Variants in KDELR3 observed in about 807,000 individuals in gnomAD.
KDELR3 encodes the protein ER lumen protein-retaining receptor 3.
A neutral mutation model predicts 22.7 loss-of-function variants in KDELR3; 26 were observed. That is an observed-to-expected ratio of 1.15 (90% CI 0.84 to 1.59). The LOEUF (loss-of-function observed/expected upper bound fraction) is 1.59. Among genes scored for constraint, KDELR3 ranks in the 40% most tolerant of loss-of-function variants. The probability of loss-of-function intolerance (pLI) is 0.00; values close to 1 mark genes in which losing one functional copy is unlikely to be tolerated. For synonymous variants in KDELR3, 120 were observed against 98.2 expected, an observed-to-expected ratio of 1.22 and a Z score of -1.31; for missense variants, 289 against 251.1, an observed-to-expected ratio of 1.15 and a Z score of -1.02.
intron 2 of KDELR3, among the ~76,000 whole-genome samples, chr22:38,475,767 G>C (rs1439451687): frequency 6.6e-6 from 1 of 152,164 alleles, no homozygotes; most frequent in Non-Finnish European, 1.5e-5. Context: ...CCAAGTAGCT[G>C]GGACTACAGG....
Position 38,481,465 on chromosome 22 carries a change from G to C in KDELR3, c.604+1G>C, listed in dbSNP as rs138454014. 90 of 1,614,008 alleles carry C rather than the reference G, an allele frequency of 5.6e-5. No individual in the cohort carries two copies. The highest frequency in any genetic ancestry group is 7.4e-5 in the Non-Finnish European group (87 of 1,180,026). ...TTCTTCTACTTGTATGTGACCAAAGGTAGGTCCTGGGATGACAGCAATGCT... is the reference window on the plus strand; with the variant it reads ...TTCTTCTACTTGTATGTGACCAAAGCTAGGTCCTGGGATGACAGCAATGCT... On this transcript the variant is annotated splice_donor_variant, in intron 4 of 4. Coordinates refer to ENST00000216014, the MANE Select transcript of KDELR3 (RefSeq NM_006855.4). LOFTEE classifies it high-confidence loss of function.
At position 38,468,332 on chromosome 22, in the gene KDELR3, G is replaced by GA. The variant is rs752468561; in HGVS notation, c.91+8_91+9insA. ...GGTCCAAGTGCTGCAAGGGTGAGGGGCGCCTGGCAGGGAGGTGCGGGACCC... is the reference window on the plus strand; with the variant it reads ...GGTCCAAGTGCTGCAAGGGTGAGGGGACGCCTGGCAGGGAGGTGCGGGACCC... On this transcript the variant is annotated intron_variant, in intron 1 of 4. Transcript: ENST00000216014. 4 of 1,612,946 alleles carry GA rather than the reference G, an allele frequency of 2.5e-6. No individual in the cohort carries two copies. The highest frequency in any genetic ancestry group is 1.7e-5 in the Admixed American group (1 of 60,020).
At chr22:38,476,364 C>T (rs879529787) in intron 2 of KDELR3, among the ~76,000 whole-genome samples, 1 of 151,886 alleles carries the variant, frequency 6.6e-6, no homozygotes, top group Non-Finnish European at 1.5e-5. Flanking sequence ...GGACTACAGG[C>T]GCCTGCCACT....
Position 38,479,743 on chromosome 22 carries a change from C to G in KDELR3, c.343C>G (p.Leu115Val). Residue 115 changes from leucine to valine, a missense_variant, in exon 3 of 5, where the codon CTG (leucine) becomes GTG (valine). Leu to Val is a conservative substitution (Grantham distance 32). Transcript: ENST00000216014. The stretch of plus-strand genomic sequence containing the variant: ...CTTCCTTGAAAACTACAGTTTCACT[C>G]TGCTGGAGGTAAGGGAATGGACTGA... ...LSFLENYSFTLLEILWTFSIY... is the reference protein window; with the variant it reads ...LSFLENYSFTVLEILWTFSIY... 1 of 1,614,170 alleles carries G rather than the reference C, an allele frequency of 6.2e-7. No individual in the cohort carries two copies. Among genetic ancestry groups the G allele is most frequent in the Non-Finnish European group, 8.5e-7 (1 of 1,180,002 alleles).
chr22:38,474,794 C>G (rs978646082), intron 2 of KDELR3, among the ~76,000 whole-genome samples, 171 bp downstream of exon 2: 1 of 151,990 alleles, frequency 6.6e-6, no homozygotes, highest in Non-Finnish European at 1.5e-5. Context: ...TGTCAGTGTC[C>G]TCGTGCAAAA....
chr22:38,474,455 C>T, intron 1 of KDELR3, 68 bp from the exon 2 acceptor site: 1 of 1,269,344 alleles, frequency 7.9e-7, no homozygotes, highest in Non-Finnish European at 1.1e-6. Flanking sequence ...CCAGGCTGTG[C>T]ACCTCTTGAG....
chr22:38,479,797 C>T, intron 3 of KDELR3, 46 bp downstream of exon 3: 4 of 1,573,280 alleles, frequency 2.5e-6, no homozygotes, highest in Non-Finnish European at 3.5e-6. Flanking sequence ...AAATATGCTC[C>T]CTGCATCCTT....
At chr22:38,475,172 T>TA (rs1341424529) in intron 2 of KDELR3, among the ~76,000 whole-genome samples, 2 of 149,516 alleles carry the variant, frequency 1.3e-5, no homozygotes, top group African/African-American at 4.9e-5. Context: ...AATGTAAATG[T>TA]AAAAAACCCT....
rs2089613062 is a variant in KDELR3, at chr22:38,482,676, T to C, written c.*140T>C. ...TAGTGTGGATTTCAGCAAAACCTGA[T>C]CATCCCACCCAGAAGACCTTCTCAT... On this transcript the variant is annotated 3_prime_UTR_variant, in exon 5 of 5. Coordinates refer to ENST00000216014, the MANE Select transcript of KDELR3 (RefSeq NM_006855.4). 4.1e-6 allele frequency: 3 copies of C among 725,956 alleles called. No individual in the cohort carries two copies. Among genetic ancestry groups the C allele is most frequent in the Non-Finnish European group, 7.1e-6 (3 of 424,462 alleles). The allele number at this position is 725,956 out of a possible 1,614,324, so 45.0% of individuals were successfully genotyped here. A position where few individuals can be genotyped will look rare whatever the true frequency, so the allele number is the denominator to read the frequency against.
chr22:38,479,846 G>A, intron 3 of KDELR3, 95 bp downstream of exon 3: 1 of 1,096,002 alleles, frequency 9.1e-7, no homozygotes, highest in Non-Finnish European at 1.4e-6. Flanking sequence ...TTACAACTGT[G>A]ACCATTACTC....
At chr22:38,472,467 A>G (rs2089531213) in intron 1 of KDELR3, among the ~76,000 whole-genome samples, 1 of 151,796 alleles carries the variant, frequency 6.6e-6, no homozygotes, top group South Asian at 2.1e-4. Flanking sequence ...ACAGAGTGAG[A>G]CTCTGTCTCA....
intron 2 of KDELR3, among the ~76,000 whole-genome samples, chr22:38,476,417 A>C (rs2089558120): frequency 6.6e-6 from 1 of 151,648 alleles, no homozygotes; most frequent in South Asian, 2.1e-4. Flanking sequence ...ACAGGGTTTC[A>C]CCTTATTAGC....
Position 38,481,229 on chromosome 22 carries a change from T to C in KDELR3, c.369T>C (p.Ser123=), listed in dbSNP as rs139737165. Residue 123 remains serine, a synonymous_variant, in exon 4 of 5, where the codon TCT becomes TCC. Transcript: ENST00000216014. ...TGGCTCAGATCCTCTGGACTTTCTCTATCTATCTGGAATCAGTGGCTATCC... is the reference window on the plus strand; with the variant it reads ...TGGCTCAGATCCTCTGGACTTTCTCCATCTATCTGGAATCAGTGGCTATCC... ...FTLLEILWTF[S]IYLESVAILP... The C allele has an allele frequency of 3.6e-5, 58 of 1,613,408 alleles. No homozygotes were observed. Among genetic ancestry groups the C allele is most frequent in the Non-Finnish European group, 4.8e-5 (57 of 1,179,702 alleles).
At chr22:38,470,009 G>A (rs1013151279) in intron 1 of KDELR3, among the ~76,000 whole-genome samples, 3 of 151,894 alleles carry the variant, frequency 2.0e-5, no homozygotes, top group African/African-American at 7.3e-5. Flanking sequence ...TAGTAGAGAC[G>A]GGGTTTCGCC....
chr22:38,468,260 C>T lies in KDELR3; in HGVS notation c.27C>T (p.Asp9=), dbSNP rs768870094. The T allele has an allele frequency of 1.9e-6, 3 of 1,613,874 alleles. No homozygotes were observed. The South Asian group carries it at 3.3e-5, about 18-fold the overall frequency. The change falls in exon 1 of 5, where the codon GAC becomes GAT. Residue 9 remains aspartate, a synonymous_variant. Transcript: ENST00000216014. MNVFRILG[D]LSHLLAMILL... is the part of the protein sequence containing the mutation. ...TGAACGTGTTCCGAATCCTCGGCGA[C>T]CTGAGCCACCTCCTGGCCATGATCT...
chr22:38,481,404 G>GT lies in KDELR3; in HGVS notation c.545dup (p.Ser183ValfsTer11), dbSNP rs2089599379. 10 of 1,614,166 alleles carry GT rather than the reference G, an allele frequency of 6.2e-6. No individual in the cohort carries two copies. Among genetic ancestry groups the GT allele is most frequent in the Non-Finnish European group, 8.5e-6 (10 of 1,180,034 alleles). ...GAATTTCTATGACCAAATTGCAGTC[G>GT]TGTCTGGAGTAGTACAAACCATCTT... is the stretch of plus-strand genomic sequence containing the variant. On this transcript the variant is annotated frameshift_variant, in exon 4 of 5. Transcript: ENST00000216014. LOFTEE classifies it high-confidence loss of function.
At chr22:38,479,846 G>T in intron 3 of KDELR3, 95 bp downstream of exon 3, 1 of 1,096,000 alleles carries the variant, frequency 9.1e-7, no homozygotes, top group South Asian at 1.4e-5. Flanking sequence ...TTACAACTGT[G>T]ACCATTACTC....
At chr22:38,472,829 A>G (rs2089533553) in intron 1 of KDELR3, among the ~76,000 whole-genome samples, 1 of 151,960 alleles carries the variant, frequency 6.6e-6, no homozygotes, top group African/African-American at 2.4e-5. Flanking sequence ...CCTCCCAAGT[A>G]GCTGGGGTTA....
intron 4 of KDELR3, 64 bp from the exon 5 acceptor site, chr22:38,482,432 T>A: frequency 7.6e-7 from 1 of 1,322,510 alleles, no homozygotes; most frequent in South Asian, 1.2e-5. Flanking sequence ...AGATTATGCA[T>A]CAAGTTATAA....
Sources: allele counts gnomAD v4.1 joint callset (sites outside exome capture counted in the v4.1 genomes callset), GRCh38; gene constraint gnomAD v4.1.1; transcripts MANE v1.5; gene names NCBI Gene and HGNC (gene_info 2026-07-23, HGNC 2026-07-21).